MIR2052HG: variants seen among roughly 807,000 people sequenced by gnomAD.
MIR2052HG encodes the protein MIR2052 host gene.
chr8:74,743,608 A>T (rs1809853765), intron 4 of MIR2052HG, among the ~76,000 whole-genome samples: 1 of 152,206 alleles, frequency 6.6e-6, no homozygotes, highest in Non-Finnish European at 1.5e-5. Flanking sequence ...AAACAAACTT[A>T]CGATTTATCT....
chr8:74,697,510 C>T (rs1406977283), intron 2 of MIR2052HG, among the ~76,000 whole-genome samples: 1 of 152,066 alleles, frequency 6.6e-6, no homozygotes, highest in Non-Finnish European at 1.5e-5. Flanking sequence ...AAAGAGCATC[C>T]AAATCAGCAA....
At chr8:74,702,432 A>G in exon 3 of MIR2052HG, 1 of 454,838 alleles carries the variant, frequency 2.2e-6, no homozygotes, top group Non-Finnish European at 4.4e-6. Flanking sequence ...TGATTTGAAG[A>G]TGATGAAGAA....
At chr8:74,728,810 C>T (rs117041774) in intron 4 of MIR2052HG, among the ~76,000 whole-genome samples, 3,903 of 152,186 alleles carry the variant, frequency 0.026, 71 homozygotes, top group Non-Finnish European at 0.036. Flanking sequence ...TCAAAGTCTG[C>T]CATGCTGTCC....
intron 2 of MIR2052HG, among the ~76,000 whole-genome samples, chr8:74,646,955 A>G (rs1808694947): frequency 6.8e-6 from 1 of 146,320 alleles, no homozygotes; most frequent in Non-Finnish European, 1.5e-5. Context: ...AATAAATATT[A>G]TCAATAAATA....
rs540148168 is a variant in MIR2052HG at position 74,616,021 on chromosome 8, G to A, written n.216+3081G>A. Among the ~76,000 whole-genome samples, 25 of 152,148 alleles carry A rather than the reference G, an allele frequency of 1.6e-4. No homozygotes were observed. The East Asian group carries it at 1.9e-3, about 12-fold the overall frequency. ...TTAATCCAGTCTATCATTGATGGAC[G>A]TTTGGGTTGGTTCCAAGTCTTTGCT... is the stretch of plus-strand genomic sequence containing the variant. On this transcript the variant is annotated intron_variant and non_coding_transcript_variant, in intron 2 of 6. Coordinates refer to ENST00000523442, the Ensembl canonical transcript of MIR2052HG.
intron 2 of MIR2052HG, among the ~76,000 whole-genome samples, chr8:74,698,032 A>G (rs1184839239): frequency 1.3e-5 from 2 of 152,184 alleles, no homozygotes; most frequent in East Asian, 3.8e-4. Context: ...GAACCAAAAA[A>G]GAGCTCATGT....
intron 2 of MIR2052HG, among the ~76,000 whole-genome samples, chr8:74,642,570 A>G (rs1563521018): frequency 1.3e-5 from 2 of 152,214 alleles, no homozygotes; most frequent in Non-Finnish European, 2.9e-5. Context: ...AACAAAATTT[A>G]AAAACATATC....
At chr8:74,651,631 A>T (rs1586903857) in intron 2 of MIR2052HG, among the ~76,000 whole-genome samples, 1 of 152,198 alleles carries the variant, frequency 6.6e-6, no homozygotes, top group Non-Finnish European at 1.5e-5. Context: ...ATTTCTCCCC[A>T]GTCCTGATTT....
At chr8:74,724,906 A>T (rs1054812805) in intron 4 of MIR2052HG, among the ~76,000 whole-genome samples, 15 of 151,952 alleles carry the variant, frequency 9.9e-5, no homozygotes, top group Admixed American at 5.9e-4. Flanking sequence ...GGCCTTCCCA[A>T]TTCTGCTGGT....
intron 2 of MIR2052HG, among the ~76,000 whole-genome samples, chr8:74,650,312 T>C (rs1808738439): frequency 6.6e-6 from 1 of 152,202 alleles, no homozygotes; most frequent in Admixed American, 6.5e-5. Context: ...TTTGACTTTT[T>C]TCACTTAACG....
chr8:74,719,211 A>T (rs1490873703), intron 4 of MIR2052HG, among the ~76,000 whole-genome samples: 1 of 151,874 alleles, frequency 6.6e-6, no homozygotes, highest in Non-Finnish European at 1.5e-5. Context: ...GTTCAGGGTG[A>T]CTCTAGCAAT....
At chr8:74,732,347 G>T (rs374695124) in intron 4 of MIR2052HG, among the ~76,000 whole-genome samples, 2 of 152,030 alleles carry the variant, frequency 1.3e-5, no homozygotes, top group African/African-American at 4.8e-5. Context: ...TTTATGGGGG[G>T]TCCTGGAACC....
chr8:74,600,354 G>A (rs1215165364), intron 1 of MIR2052HG, among the ~76,000 whole-genome samples: 5 of 151,424 alleles, frequency 3.3e-5, no homozygotes, highest in African/African-American at 1.2e-4. Context: ...AGAGGCCGAG[G>A]TGGGCGGATC....
At chr8:74,744,276 C>T (rs1563544923) in intron 4 of MIR2052HG, among the ~76,000 whole-genome samples, 1 of 148,660 alleles carries the variant, frequency 6.7e-6, no homozygotes, top group Admixed American at 6.8e-5. Flanking sequence ...ATTTTTTAAA[C>T]ATTTATTTTT....
intron 1 of MIR2052HG, among the ~76,000 whole-genome samples, chr8:74,600,933 CAT>C (rs1807991724): frequency 6.6e-6 from 1 of 152,194 alleles, no homozygotes; most frequent in Admixed American, 6.5e-5. Flanking sequence ...AGACCTGGGA[CAT>C]AGGTCTTACT....
rs1375619489 is a variant in MIR2052HG, at chr8:74,712,241, A to G, written n.371+8559A>G. Among the ~76,000 whole-genome samples the G allele has an allele frequency of 2.0e-5, 3 of 152,174 alleles. No homozygotes were observed. The East Asian group carries it at 5.8e-4, about 29-fold the overall frequency. On this transcript the variant is annotated intron_variant and non_coding_transcript_variant, in intron 4 of 6. Transcript: ENST00000523442. ...ATGTAAACACATGTAAAGTATGTAG[A>G]AGAGTTTGCTAGGGTAAATGCTTAG... is the stretch of plus-strand genomic sequence containing the variant.
intron 2 of MIR2052HG, among the ~76,000 whole-genome samples, chr8:74,620,823 T>C (rs1294588588): frequency 6.6e-6 from 1 of 152,202 alleles, no homozygotes; most frequent in East Asian, 1.9e-4. Flanking sequence ...CATTCCTCAT[T>C]ACTTATGCAA....
chr8:74,720,898 C>G (rs528226374), intron 4 of MIR2052HG, among the ~76,000 whole-genome samples: 1 of 152,184 alleles, frequency 6.6e-6, no homozygotes, highest in East Asian at 1.9e-4. Flanking sequence ...ACCATCAGAT[C>G]TTATGAGAAC....
intron 2 of MIR2052HG, among the ~76,000 whole-genome samples, chr8:74,661,220 G>A (rs1241654991): frequency 1.5e-4 from 19 of 128,332 alleles, no homozygotes; most frequent in Admixed American, 3.4e-4. Context: ...TTTTTTTTTC[G>A]AGACAGAGTC....
Sources: gnomAD v4.1 joint callset for allele counts (sites outside exome capture counted in the v4.1 genomes callset) on GRCh38, gnomAD v4.1.1 for gene constraint, MANE v1.5 for transcripts, NCBI Gene and HGNC (gene_info 2026-07-23, HGNC 2026-07-21) for gene names.